Variants in SYNPO2L observed in about 807,000 individuals in gnomAD.
SYNPO2L encodes synaptopodin 2 like, also known as synaptopodin 2-like protein.
SYNPO2L carries 34 observed loss-of-function variants against 47.5 expected under a neutral mutation model. The ratio of observed to expected loss-of-function variants is 0.72; its 90% CI spans 0.54 to 0.95. The LOEUF is 0.95. Ranked by LOEUF, SYNPO2L falls within the 40% of genes least tolerant of loss-of-function variation. The probability of loss-of-function intolerance (pLI) is 0.00; values close to 1 mark genes in which losing one functional copy is unlikely to be tolerated. For synonymous variants in SYNPO2L, 536 were observed against 524.9 expected (o/e 1.02, Z -0.29); for missense variants, 1,246 against 1,282.0 (o/e 0.97, Z 0.43).
Position 73,646,851 on chromosome 10 carries a change from G to A in SYNPO2L, c.2801C>T (p.Pro934Leu), listed in dbSNP as rs1366431238. ...AAGGCCCCTGGGAGCCTCTGGAGGA[G>A]GGGCTGGGCTAGGAACAGGGGCTGA... Reference protein sequence around the residue: ...LASAPVPSPAPPPEAPRGLGA... With the variant: ...LASAPVPSPALPPEAPRGLGA... The change falls in exon 4 of 4, where the codon CCT becomes CTT. Residue 934 changes from proline to leucine, a missense_variant. By Grantham distance (98) the Pro-to-Leu change is moderately conservative. Transcript: ENST00000394810. The A allele has an allele frequency of 1.9e-6, 3 of 1,555,198 alleles. No individual in the cohort carries two copies. The Admixed American group carries it at 6.0e-5, about 31-fold the overall frequency.
Position 73,648,694 on chromosome 10 carries a change from C to T in SYNPO2L, c.958G>A (p.Gly320Ser), listed in dbSNP as rs2081809018. Residue 320 changes from glycine (G) to serine (S), a missense_variant, in exon 4 of 4, where the codon GGC (glycine) becomes AGC (serine). Physicochemically the swap from Gly to Ser is moderately conservative, Grantham distance 56 (BLOSUM62 0). Around this residue, in one of 3 missense-constraint regions of SYNPO2L, gnomAD observed 1,037 missense variants for 1,021.5 expected, o/e 1.02. Coordinates refer to ENST00000394810, the MANE Select transcript of SYNPO2L (RefSeq NM_001114133.3). ...GGAACGCCGTCCTCCTCCTCAGCGC[C>T]TGTCCCAGCAGCAGCCCCGAAGCTC... ...LVSFGAAAGT[G>S]AEEEDGVPPT... 2 of 1,610,174 alleles carry T rather than the reference C, an allele frequency of 1.2e-6. No homozygotes were observed. The highest frequency in any genetic ancestry group is 8.5e-7 in the Non-Finnish European group (1 of 1,176,728).
Position 73,646,768 on chromosome 10 carries a change from T to C in SYNPO2L, c.2884A>G (p.Arg962Gly), listed in dbSNP as rs1362783576. 3.3e-6 allele frequency: 5 copies of C among 1,520,124 alleles called. No homozygotes were observed. In the African/African-American group the frequency reaches 4.2e-5, roughly 13 times the overall value. 94.2% of individuals were successfully genotyped at this position (1,520,124 alleles called of 1,614,324 possible). A position where few individuals can be genotyped will look rare whatever the true frequency, so the allele number is the denominator to read the frequency against. The change falls in exon 4 of 4, where the codon AGA (arginine) becomes GGA (glycine). Residue 962 changes from arginine (R) to glycine (G), a missense_variant. Physicochemically the swap from Arg to Gly is moderately radical, Grantham distance 125 (BLOSUM62 -2). Around this residue, in one of 3 missense-constraint regions of SYNPO2L, gnomAD observed 1,037 missense variants for 1,021.5 expected, o/e 1.02. Transcript: ENST00000394810. ...QVARPRFSATRTGLQAHVWRP... is the reference protein window; with the variant it reads ...QVARPRFSATGTGLQAHVWRP... ...CACACATGAGCTTGCAATCCTGTTC[T>C]GGTGGCTGAAAATCGGGGCCTGGCT... is the stretch of plus-strand genomic sequence containing the variant.
chr10:73,646,858 G>A lies in SYNPO2L; in HGVS notation c.2794C>T (p.Pro932Ser). 1.3e-6 allele frequency: 2 copies of A among 1,556,268 alleles called. No individual in the cohort carries two copies. The highest frequency in any genetic ancestry group is 1.7e-6 in the Non-Finnish European group (2 of 1,151,280). ...CTGGGAGCCTCTGGAGGAGGGGCTG[G>A]GCTAGGAACAGGGGCTGAGGCCAGT... ...TELASAPVPS[P>S]APPPEAPRGL... The change falls in exon 4 of 4, where the codon CCA (proline) becomes TCA (serine). Residue 932 changes from proline (P) to serine (S), a missense_variant. Transcript: ENST00000394810.
Position 73,653,415 on chromosome 10 carries a change from T to A in SYNPO2L, c.496A>T (p.Thr166Ser). 6.4e-7 allele frequency: 1 copy of A among 1,551,314 alleles called. No homozygotes were observed. The highest frequency in any genetic ancestry group is 8.7e-7 in the Non-Finnish European group (1 of 1,146,814). ...TCATCAGGTGGGGCACCCGGAGGGG[T>A]GGGCCTTGTGGGGCCTCGGCGGCGA... ...RPRRRGPTRP[T>S]PPGAPPDEVY... is the part of the protein sequence containing the mutation. Residue 166 changes from threonine (T) to serine (S), a missense_variant, in exon 3 of 4, where the codon ACC becomes TCC. By Grantham distance (58) the Thr-to-Ser change is moderately conservative (BLOSUM62 1). This residue lies in a region of SYNPO2L where 148 missense variants were observed against 204.8 expected (regional missense o/e 0.72). Transcript: ENST00000394810.
intron 3 of SYNPO2L, chr10:73,650,144 T>C: frequency 5.1e-6 from 5 of 985,440 alleles, no homozygotes; most frequent in Non-Finnish European, 6.0e-6. Context: ...TACTCTCTGG[T>C]CCATGGTCCC....
rs756413206 is a variant in SYNPO2L, at chr10:73,648,586, A to AGGGACTGTC, written c.1057_1065dup (p.Asp353_Pro355dup). 2.5e-6 allele frequency: 4 copies of AGGGACTGTC among 1,614,144 alleles called. No individual in the cohort carries two copies. In the South Asian group the frequency reaches 4.4e-5, roughly 18 times the overall value. On this transcript the variant is annotated inframe_insertion, in exon 4 of 4. Transcript: ENST00000394810. Reference sequence around the variant, plus strand: ...GCCCTGGCAAGCTCCATGTCCAGATAGGGACTGTCCCAGTCAGATTGATTG... The same window carrying AGGGACTGTC: ...GCCCTGGCAAGCTCCATGTCCAGATAGGGACTGTCGGGACTGTCCCAGTCAGATTGATTG...
At chr10:73,653,920 A>T in intron 2 of SYNPO2L, 1 of 747,354 alleles carries the variant, frequency 1.3e-6, no homozygotes, top group Non-Finnish European at 2.1e-6. Context: ...TAGGCTCATC[A>T]GTCAAATACC....
rs780751785 is a variant in SYNPO2L at position 73,647,228 on chromosome 10, C to T, written c.2424G>A (p.Pro808=). The T allele has an allele frequency of 6.2e-7, 1 of 1,613,648 alleles. No individual in the cohort carries two copies. Among genetic ancestry groups the T allele is most frequent in the Non-Finnish European group, 8.5e-7 (1 of 1,179,888 alleles). The part of the protein sequence containing the change: ...SWKYSPNIRA[P]PPIAYNPLLS... ...GCAGTGGGTTGTAAGCAATAGGAGG[C>T]GGGGCACGGATGTTGGGTGAATATT... Residue 808 remains proline (P), a synonymous_variant, in exon 4 of 4, where the codon CCG becomes CCA. Transcript: ENST00000394810.
At position 73,646,599 on chromosome 10, in the gene SYNPO2L, C is replaced by A. The variant is rs1465305079; in HGVS notation, c.*119G>T. The stretch of plus-strand genomic sequence containing the variant: ...GGGAAGGGGACATCAACTTGGAAAC[C>A]ATCTCTGGCAGGAGGCAATTTAGCT... On this transcript the variant is annotated 3_prime_UTR_variant, in exon 4 of 4. Transcript: ENST00000394810. 2.2e-6 allele frequency: 3 copies of A among 1,334,176 alleles called. No individual in the cohort carries two copies. The highest frequency in any genetic ancestry group is 2.9e-6 in the Non-Finnish European group (3 of 1,037,142). 82.6% of individuals were successfully genotyped at this position (1,334,176 alleles called of 1,614,324 possible). A position where few individuals can be genotyped will look rare whatever the true frequency, so the allele number is the denominator to read the frequency against.
Position 73,655,844 on chromosome 10 carries a change from G to A in SYNPO2L, c.79C>T (p.Gln27Ter). 6.4e-7 allele frequency: 1 copy of A among 1,550,832 alleles called. No individual in the cohort carries two copies. Residue 27 changes from glutamine (Q) to a stop codon, truncating the protein, a stop_gained, in exon 1 of 4, where the codon CAG becomes TAG. Coordinates refer to ENST00000394810, the MANE Select transcript of SYNPO2L (RefSeq NM_001114133.3). LOFTEE classifies it high-confidence loss of function. Reference sequence around the variant, plus strand: ...TTAGACACCTGTAACGGTTTCCTCTGCTCGGCCCCCCCATGAAGTCGGAAG... The same window carrying A: ...TTAGACACCTGTAACGGTTTCCTCTACTCGGCCCCCCCATGAAGTCGGAAG... Reference protein sequence around the residue: ...WGFRLHGGAEQRKPLQVSKIR... With the variant: ...WGFRLHGGAE
At chr10:73,654,053 G>A in intron 2 of SYNPO2L, 76 bp downstream of exon 2, 1 of 1,507,256 alleles carries the variant, frequency 6.6e-7, no homozygotes, top group African/African-American at 1.4e-5. Context: ...GCTAAAGCCA[G>A]GCCAGTGAGA....
intron 2 of SYNPO2L, 189 bp downstream of exon 2, chr10:73,653,940 C>T: frequency 3.7e-6 from 3 of 807,372 alleles, no homozygotes; most frequent in Non-Finnish European, 5.7e-6. Context: ...CCACTGACAT[C>T]CCCATCCCTT....
In SYNPO2L at chr10:73,647,390, C is replaced by A; in HGVS notation, c.2262G>T (p.Leu754=). 1 of 1,613,900 alleles carries A rather than the reference C, an allele frequency of 6.2e-7. No homozygotes were observed. The highest frequency in any genetic ancestry group is 1.1e-5 in the South Asian group (1 of 91,070). ...SSAGIPEPPR[L]QGRGGELFAK... ...CAAACAGCTCCCCACCCCTGCCCTG[C>A]AGCCTTGGTGGCTCAGGGATTCCAG... Residue 754 remains leucine, a synonymous_variant, in exon 4 of 4, where the codon CTG becomes CTT. Coordinates refer to ENST00000394810, the MANE Select transcript of SYNPO2L (RefSeq NM_001114133.3).
rs967469314 is a variant in SYNPO2L, at chr10:73,653,306, G to A, written c.605C>T (p.Pro202Leu). Residue 202 changes from proline (P) to leucine (L), a missense_variant, in exon 3 of 4, where the codon CCG becomes CTG. By Grantham distance (98) the Pro-to-Leu change is moderately conservative. Transcript: ENST00000394810. ...PSQGDSRVSSPSWEDGAALQP... is the reference protein window; with the variant it reads ...PSQGDSRVSSLSWEDGAALQP... ...AAGGGCTGCCCCATCCTCCCAAGAC[G>A]GGGAGCTCACACGGCTGTCACCCTG... 2 of 1,551,536 alleles carry A rather than the reference G, an allele frequency of 1.3e-6. No homozygotes were observed. The highest frequency in any genetic ancestry group is 1.7e-6 in the Non-Finnish European group (2 of 1,146,944).
At position 73,648,356 on chromosome 10, in the gene SYNPO2L, T is replaced by A; in HGVS notation, c.1296A>T (p.Ala432=). 6.2e-7 allele frequency: 1 copy of A among 1,605,684 alleles called. No individual in the cohort carries two copies. Among genetic ancestry groups the A allele is most frequent in the Non-Finnish European group, 8.5e-7 (1 of 1,179,054 alleles). Residue 432 remains alanine, a synonymous_variant, in exon 4 of 4, where the codon GCA becomes GCT. Coordinates refer to ENST00000394810, the MANE Select transcript of SYNPO2L (RefSeq NM_001114133.3). The part of the protein sequence containing the change: ...PPRAQSAPPE[A]AVLPPSPLPA... ...GCAAGGGGCTGGGTGGGAGCACAGC[T>A]GCCTCTGGGGGAGCACTCTGGGCCC...
rs775794385 is a variant in SYNPO2L, at chr10:73,647,552, G to T, written c.2100C>A (p.His700Gln). ...TTGGAGGGGGGGTCTTAGGTGTCACGTGAGGCAGGGTCTTGTAACTCCTGG... is the reference window on the plus strand; with the variant it reads ...TTGGAGGGGGGGTCTTAGGTGTCACTTGAGGCAGGGTCTTGTAACTCCTGG... ...VGARSYKTLP[H>Q]VTPKTPPPMA... The change falls in exon 4 of 4, where the codon CAC becomes CAA. Residue 700 changes from histidine to glutamine, a missense_variant. By Grantham distance (24) the His-to-Gln change is conservative. Around this residue, in one of 3 missense-constraint regions of SYNPO2L, gnomAD observed 1,037 missense variants for 1,021.5 expected, o/e 1.02. Transcript: ENST00000394810. The T allele has an allele frequency of 6.2e-7, 1 of 1,603,806 alleles. No homozygotes were observed. Among genetic ancestry groups the T allele is most frequent in the Non-Finnish European group, 8.5e-7 (1 of 1,172,998 alleles).
In SYNPO2L at chr10:73,647,931, G is replaced by C. The variant is rs753063899; in HGVS notation, c.1721C>G (p.Ala574Gly). 3.9e-6 allele frequency: 6 copies of C among 1,528,654 alleles called. No homozygotes were observed. The South Asian group carries it at 7.9e-5, about 20-fold the overall frequency. The allele number at this position is 1,528,654 out of a possible 1,614,324, so 94.7% of individuals were successfully genotyped here. A position where few individuals can be genotyped will look rare whatever the true frequency, so the allele number is the denominator to read the frequency against. ...GATAGAAGCGGTGGAGGTCATGGCA[G>C]CTGCGCTAGGAGGAGCGGGGGGCTC... is the stretch of plus-strand genomic sequence containing the variant. ...APEPPAPPSA[A>G]AMTSTASIFL... Residue 574 changes from alanine (A) to glycine (G), a missense_variant, in exon 4 of 4, where the codon GCT (alanine) becomes GGT (glycine). By Grantham distance (60) the Ala-to-Gly change is moderately conservative. Coordinates refer to ENST00000394810, the MANE Select transcript of SYNPO2L (RefSeq NM_001114133.3).
At position 73,646,071 on chromosome 10, in the gene SYNPO2L, G is replaced by A. The variant is rs1056458441; in HGVS notation, c.*647C>T. 61 of 982,400 alleles carry A rather than the reference G, an allele frequency of 6.2e-5. No individual in the cohort carries two copies. The highest frequency in any genetic ancestry group is 7.3e-5 in the Non-Finnish European group (60 of 827,360). The allele number at this position is 982,400 out of a possible 1,614,324, so 60.9% of individuals were successfully genotyped here. A position where few individuals can be genotyped will look rare whatever the true frequency, so the allele number is the denominator to read the frequency against. On this transcript the variant is annotated 3_prime_UTR_variant, in exon 4 of 4. Transcript: ENST00000394810. ...GATCTCCTGACCTCGTGATCCGCCC[G>A]CCTCGGCCTCCCAAAGTGCTGGGAT...
chr10:73,647,298 C>G lies in SYNPO2L; in HGVS notation c.2354G>C (p.Arg785Pro). ...CGGGGTAGGAGAAGGACTTCTAGGC[C>G]GAGGGCCAAGACCAGGACCAGGTGT... The part of the protein sequence containing the change: ...EGTPGPGLGP[R>P]PRSPSPTPSL... The change falls in exon 4 of 4, where the codon CGG becomes CCG. Residue 785 changes from arginine (R) to proline (P), a missense_variant. This residue lies in a region of SYNPO2L where 1,037 missense variants were observed against 1,021.5 expected (regional missense o/e 1.02). Transcript: ENST00000394810. 1 of 1,614,024 alleles carries G rather than the reference C, an allele frequency of 6.2e-7. No homozygotes were observed. Among genetic ancestry groups the G allele is most frequent in the Non-Finnish European group, 8.5e-7 (1 of 1,179,984 alleles).
Sources: allele counts gnomAD v4.1 joint callset, GRCh38; gene constraint gnomAD v4.1.1; regional missense constraint gnomAD v4.1.1; transcripts MANE v1.5; gene names NCBI Gene and HGNC (gene_info 2026-07-23, HGNC 2026-07-21).